The following CSMD3 variants were observed in gnomAD, a reference collection of about 807,000 sequenced individuals.
CSMD3 encodes the protein CUB and sushi domain-containing protein 3.
A neutral mutation model predicts 435.2 loss-of-function variants in CSMD3; 177 were observed. The ratio of observed to expected loss-of-function variants is 0.41; its 90% CI spans 0.36 to 0.46. The LOEUF (loss-of-function observed/expected upper bound fraction) is 0.46. Among genes scored for constraint, CSMD3 ranks in the 20% least tolerant of loss-of-function variants. CSMD3 has a pLI of 0.34. For synonymous variants in CSMD3, 1,656 were observed against 1,520.5 expected (o/e 1.09, Z -2.07); for missense variants, 4,265 against 4,504.6 (o/e 0.95, Z 1.52).
intron 6 of CSMD3, among the ~76,000 whole-genome samples, chr8:113,017,213 C>T (rs986306517): frequency 3.3e-5 from 5 of 151,812 alleles, no homozygotes; most frequent in African/African-American, 9.6e-5. Context: ...TTTTCAGTGC[C>T]GAAAACGCAT....
chr8:112,429,752 C>T (rs796331390), intron 32 of CSMD3, among the ~76,000 whole-genome samples: 55 of 151,964 alleles, frequency 3.6e-4, no homozygotes, highest in African/African-American at 1.2e-3. Flanking sequence ...ATTTAAAATG[C>T]TTATGATTAA....
rs571191667 is a variant in CSMD3 at position 112,641,605 on chromosome 8, G to C, written c.3311-2694C>G. Among the ~76,000 whole-genome samples, 5 of 152,276 alleles carry C rather than the reference G, an allele frequency of 3.3e-5. No individual in the cohort carries two copies. In the East Asian group the frequency reaches 9.7e-4, roughly 29 times the overall value. ...TAATCCCAGCACTTTGGGAGGCCTA[G>C]ACGGGTGGATTGCTTGAATCCAGAA... On this transcript the variant is annotated intron_variant, in intron 20 of 70. Transcript: ENST00000297405.
intron 32 of CSMD3, among the ~76,000 whole-genome samples, chr8:112,468,256 T>TA (rs1491209993): frequency 8.8e-5 from 11 of 124,294 alleles, no homozygotes; most frequent in East Asian, 4.7e-4. Context: ...TTTTTTTTTT[T>TA]ACCAATTGAT....
At chr8:113,279,024 C>T (rs1050739473) in intron 2 of CSMD3, among the ~76,000 whole-genome samples, 3 of 151,292 alleles carry the variant, frequency 2.0e-5, no homozygotes, top group Admixed American at 6.6e-5. Flanking sequence ...TAGATAAATA[C>T]TAATTTATTC....
intron 4 of CSMD3, among the ~76,000 whole-genome samples, chr8:113,156,519 G>A (rs1263887411): frequency 2.0e-5 from 3 of 151,702 alleles, no homozygotes; most frequent in African/African-American, 7.3e-5. Context: ...TATATTGTTA[G>A]AAGTTCTTGT....
At chr8:112,945,971 A>C (rs565706002) in intron 9 of CSMD3, among the ~76,000 whole-genome samples, 2 of 151,898 alleles carry the variant, frequency 1.3e-5, no homozygotes, top group South Asian at 2.1e-4. Flanking sequence ...ATTCTCTGTC[A>C]TAGAATCTTA....
In CSMD3 at chr8:112,311,160, T is replaced by G; in HGVS notation, c.7703A>C (p.Tyr2568Ser). Residue 2568 changes from tyrosine to serine, a missense_variant, in exon 50 of 71, where the codon TAC (tyrosine) becomes TCC (serine). By Grantham distance (144) the Tyr-to-Ser change is moderately radical (BLOSUM62 -2). Coordinates refer to ENST00000297405, the MANE Select transcript of CSMD3 (RefSeq NM_198123.2). ...KGFRIRYIAF[Y>S]CSTPESPPHG... The stretch of plus-strand genomic sequence containing the variant: ...AGGTGGGGATTCTGGTGTACTACAG[T>G]AGAAAGCTTTTCAAAAGAAAAAAAA... The G allele has an allele frequency of 6.2e-7, 1 of 1,612,718 alleles. No individual in the cohort carries two copies. Among genetic ancestry groups the G allele is most frequent in the Non-Finnish European group, 8.5e-7 (1 of 1,179,030 alleles).
In CSMD3 at chr8:112,415,832, T is replaced by A. The variant is rs568772730; in HGVS notation, c.5396-6800A>T. On this transcript the variant is annotated intron_variant, in intron 32 of 70. Coordinates refer to ENST00000297405, the MANE Select transcript of CSMD3 (RefSeq NM_198123.2). ...ATGACTGCTCTATTGGATTTTGGAC[T>A]TGTATGGGGCCTGTAGCCCTTTTGT... 2.6e-5 allele frequency among the ~76,000 whole-genome samples: 4 copies of A among 152,300 alleles called. No homozygotes were observed. The East Asian group carries it at 7.7e-4, about 29-fold the overall frequency.
chr8:113,435,428 A>T (rs2094699698), intron 1 of CSMD3, among the ~76,000 whole-genome samples: 1 of 152,180 alleles, frequency 6.6e-6, no homozygotes, highest in African/African-American at 2.4e-5. Flanking sequence ...TATCATTTCC[A>T]CTGAATGCAA....
At chr8:112,283,350 G>T (rs558525474) in intron 58 of CSMD3, among the ~76,000 whole-genome samples, 4 of 151,430 alleles carry the variant, frequency 2.6e-5, no homozygotes, top group African/African-American at 9.7e-5. Context: ...TAAAAATCAT[G>T]GTACCATTTG....
chr8:112,697,350 G>C (rs1369931597), intron 13 of CSMD3, among the ~76,000 whole-genome samples: 2 of 152,146 alleles, frequency 1.3e-5, no homozygotes, highest in African/African-American at 2.4e-5. Flanking sequence ...ATGATAGACT[G>C]GGTTAAGAAA....
chr8:112,501,395 G>GA lies in CSMD3; in HGVS notation c.5083+2394dup, dbSNP rs753817533. Among the ~76,000 whole-genome samples, 187 of 102,122 alleles carry GA rather than the reference G, an allele frequency of 1.8e-3. 1 individual carries two copies. Among genetic ancestry groups the GA allele is most frequent in the Middle Eastern group, 0.012 (2 of 164 alleles). 67.0% of individuals were successfully genotyped at this position (102,122 alleles called of 152,430 possible). On this transcript the variant is annotated intron_variant, in intron 30 of 70. Transcript: ENST00000297405. ...TGACAGAGCAAGATTCCATCTCAAG[G>GA]AAAAAAAAAAAAAAAGAAAGAAAAT... is the stretch of plus-strand genomic sequence containing the variant.
intron 3 of CSMD3, among the ~76,000 whole-genome samples, chr8:113,198,715 T>G (rs1444211963): frequency 2.0e-5 from 3 of 151,280 alleles, no homozygotes; most frequent in African/African-American, 7.3e-5. Flanking sequence ...CATTACTCCC[T>G]TAAAGAAGTA....
chr8:112,300,460 A>C lies in CSMD3; in HGVS notation c.8440+1333T>G, dbSNP rs528901105. 2.7e-3 allele frequency among the ~76,000 whole-genome samples: 406 copies of C among 152,030 alleles called. 1 individual carries two copies. Among genetic ancestry groups the C allele is most frequent in the Non-Finnish European group, 3.5e-3 (241 of 67,948 alleles). On this transcript the variant is annotated intron_variant, in intron 53 of 70. Coordinates refer to ENST00000297405, the MANE Select transcript of CSMD3 (RefSeq NM_198123.2). ...TTATATAATCACATATTAATACATA[A>C]TCATTTAACTCATTAACTATTTTCT...
intron 3 of CSMD3, among the ~76,000 whole-genome samples, chr8:113,228,053 G>T (rs955644755): frequency 6.6e-6 from 1 of 151,366 alleles, no homozygotes; most frequent in African/African-American, 2.4e-5. Flanking sequence ...GGGTTATCAT[G>T]TTATATTTTG....
intron 13 of CSMD3, among the ~76,000 whole-genome samples, chr8:112,724,452 T>C (rs2131983099): frequency 6.6e-6 from 1 of 152,032 alleles, no homozygotes; most frequent in East Asian, 1.9e-4. Context: ...CATGAAATGA[T>C]GAGAGAAAGG....
intron 9 of CSMD3, among the ~76,000 whole-genome samples, chr8:112,923,072 T>G (rs1381365299): frequency 6.6e-6 from 1 of 152,132 alleles, no homozygotes; most frequent in Non-Finnish European, 1.5e-5. Flanking sequence ...AGCAACACAT[T>G]AGAAATCCAG....
At chr8:112,974,496 T>C (rs1305054882) in intron 7 of CSMD3, among the ~76,000 whole-genome samples, 1 of 151,880 alleles carries the variant, frequency 6.6e-6, no homozygotes, top group African/African-American at 2.4e-5. Context: ...CATTTTAATA[T>C]AATTTTACCT....
chr8:113,421,091 T>C (rs1037222715), intron 1 of CSMD3, among the ~76,000 whole-genome samples: 4 of 151,644 alleles, frequency 2.6e-5, no homozygotes, highest in East Asian at 1.9e-4. Flanking sequence ...GAAGAATACA[T>C]AAGAAGATAA....
Sources: allele counts gnomAD v4.1 joint callset (sites outside exome capture counted in the v4.1 genomes callset), GRCh38; gene constraint gnomAD v4.1.1; transcripts MANE v1.5; gene names NCBI Gene and HGNC (gene_info 2026-07-23, HGNC 2026-07-21).